GAGE1: variants seen among roughly 807,000 people sequenced by gnomAD.
GAGE1 encodes the protein G antigen 4.
In GAGE1, 5 loss-of-function variants were observed where a neutral mutation model predicts 5.0. The observed-to-expected ratio is 1.00, with a 90% CI of 0.52 to 2.11. The LOEUF (loss-of-function observed/expected upper bound fraction) is 2.11, where lower values mean the gene tolerates loss of function less well. Among genes scored for constraint, GAGE1 ranks in the 30% most tolerant of loss-of-function variants. The pLI is 0.01. For synonymous variants in GAGE1, 6 were observed against 14.8 expected (o/e 0.40, Z 1.37); for missense variants, 9 against 38.9 (o/e 0.23, Z 2.04).
intron 4 of GAGE1, among the ~76,000 whole-genome samples, chrX:49,605,561 C>G (rs1213078341): frequency 8.9e-6 from 1 of 111,840 alleles, no homozygotes; most frequent in Non-Finnish European, 1.9e-5. Context: ...TGTTTTTAGT[C>G]CATTTAATAA....
intron 4 of GAGE1, chrX:49,605,070 C>T: frequency 2.0e-6 from 2 of 1,022,209 alleles, no homozygotes; most frequent in Non-Finnish European, 2.6e-6. Context: ...TTAAATCTTT[C>T]CCCACGGAAA....
chrX:49,604,709 A>T (rs2066641601), intron 4 of GAGE1, among the ~76,000 whole-genome samples: 1 of 112,252 alleles, frequency 8.9e-6, no homozygotes, highest in African/African-American at 3.2e-5. Flanking sequence ...CATTGTTAGT[A>T]AGAAAGTGAG....
intron 4 of GAGE1, among the ~76,000 whole-genome samples, chrX:49,605,418 T>C (rs1370871148): frequency 8.9e-6 from 1 of 112,455 alleles, no homozygotes; most frequent in Non-Finnish European, 1.9e-5. Context: ...TGACTGTTAA[T>C]TGTAATTGCT....
rs2147111114 is a variant in GAGE1 at position 49,608,161 on chromosome X, G to A, written c.*2146G>A. ...CAAAAGGCTTTGTTCTTCCCTTAAAGGAAGCATCTACCAAAATGTGGCACA... is the reference window on the plus strand; with the variant it reads ...CAAAAGGCTTTGTTCTTCCCTTAAAAGAAGCATCTACCAAAATGTGGCACA... On this transcript the variant is annotated 3_prime_UTR_variant, in exon 5 of 5. Coordinates refer to ENST00000381700, the MANE Select transcript of GAGE1 (RefSeq NM_001040663.4). The A allele has an allele frequency of 8.9e-6, 1 of 111,811 alleles. No individual in the cohort carries two copies. Among genetic ancestry groups the A allele is most frequent in the South Asian group, 3.7e-4 (1 of 2,681 alleles). The allele number at this position is 111,811 out of a possible 1,213,427, so 9.2% of individuals were successfully genotyped here.
intron 4 of GAGE1, chrX:49,605,072 C>T (rs782538840): frequency 4.9e-6 from 5 of 1,020,233 alleles, no homozygotes; most frequent in Middle Eastern, 5.8e-4. Flanking sequence ...AAATCTTTCC[C>T]CACGGAAACC....
At chrX:49,605,210 C>G (rs1781855243) in intron 4 of GAGE1, 8 of 778,819 alleles carry the variant, frequency 1.0e-5, no homozygotes, top group African/African-American at 6.0e-5. Flanking sequence ...GCCCCACTGT[C>G]AGTCTTGATG....
Position 49,603,989 on chromosome X carries a change from G to C in GAGE1, c.331+196G>C, listed in dbSNP as rs4824476. Among the ~76,000 whole-genome samples the C allele has an allele frequency of 1.5e-4, 17 of 111,266 alleles. No homozygotes were observed. In the South Asian group the frequency reaches 1.9e-3, roughly 12 times the overall value. ...TGCCTGAGCCTCTGGCGGAGCCGGG[G>C]TTACAGGCGTGCTCCGCCGTGCCCA... On this transcript the variant is annotated intron_variant, in intron 4 of 4. Coordinates refer to ENST00000381700, the MANE Select transcript of GAGE1 (RefSeq NM_001040663.4).
rs1226653688 is a variant in GAGE1 at position 49,607,551 on chromosome X, G to C, written c.*1536G>C. On this transcript the variant is annotated 3_prime_UTR_variant, in exon 5 of 5. Transcript: ENST00000381700. ...TTCTAGAATGCTTCTCTCAGATTTG[G>C]ACCCTACTTAAACAGCAGTGACCAA... 1.8e-5 allele frequency: 2 copies of C among 110,860 alleles called. No homozygotes were observed. The highest frequency in any genetic ancestry group is 6.6e-5 in the African/African-American group (2 of 30,483). 9.1% of individuals were successfully genotyped at this position (110,860 alleles called of 1,213,427 possible).
chrX:49,604,482 A>G lies in GAGE1; in HGVS notation c.331+689A>G, dbSNP rs186956437. 5.3e-5 allele frequency among the ~76,000 whole-genome samples: 6 copies of G among 112,229 alleles called. No individual in the cohort carries two copies. The East Asian group carries it at 1.7e-3, about 31-fold the overall frequency. ...CTCTTACAGCCTTGGTGAGATTCTG[A>G]GTGAGTCCTTTCACTTCTAAACCTA... On this transcript the variant is annotated intron_variant, in intron 4 of 4. Transcript: ENST00000381700.
intron 3 of GAGE1, among the ~76,000 whole-genome samples, chrX:49,602,656 A>G (rs370624275): frequency 1.1e-5 from 1 of 91,751 alleles, no homozygotes; most frequent in Non-Finnish European, 2.4e-5. Context: ...CCTTTACCCT[A>G]TGTACTTGAG....
intron 4 of GAGE1, among the ~76,000 whole-genome samples, chrX:49,605,362 G>C (rs782600696): frequency 3.2e-4 from 36 of 112,372 alleles, no homozygotes; most frequent in African/African-American, 1.2e-3. Context: ...AGTCCTTCCT[G>C]AGTAATCAAC....
chrX:49,604,321 T>G (rs1450039349), intron 4 of GAGE1, among the ~76,000 whole-genome samples: 14 of 112,519 alleles, frequency 1.2e-4, no homozygotes, highest in Admixed American at 9.4e-4. Context: ...GTTTTGAGTA[T>G]AAATCCTCAA....
intron 4 of GAGE1, chrX:49,604,998 A>T (rs1557131874): frequency 1.0e-6 from 1 of 964,078 alleles, no homozygotes; most frequent in East Asian, 6.2e-5. Context: ...ATTTTTGTAG[A>T]GATGAGGTCT....
At position 49,602,341 on chromosome X, in the gene GAGE1, C is replaced by G. The variant is rs782367529; in HGVS notation, c.206-1327C>G. Among the ~76,000 whole-genome samples, 398 of 84,444 alleles carry G rather than the reference C, an allele frequency of 4.7e-3. 11 individuals are homozygous for G. Among genetic ancestry groups the G allele is most frequent in the African/African-American group, 0.013 (379 of 28,903 alleles). The allele number at this position is 84,444 out of a possible 115,157, so 73.3% of individuals were successfully genotyped here. Reference sequence around the variant, plus strand: ...TTTAGGATATCTGTATTTTGTACCACAATTGGAAATTCCTTTCTTCCTAAA... The same window carrying G: ...TTTAGGATATCTGTATTTTGTACCAGAATTGGAAATTCCTTTCTTCCTAAA... On this transcript the variant is annotated intron_variant, in intron 3 of 4. Coordinates refer to ENST00000381700, the MANE Select transcript of GAGE1 (RefSeq NM_001040663.4).
chrX:49,604,288 G>A (rs1425862840), intron 4 of GAGE1, among the ~76,000 whole-genome samples: 8 of 112,748 alleles, frequency 7.1e-5, no homozygotes, highest in Admixed American at 6.6e-4. Context: ...AACAAGCTGA[G>A]TCAAAGGTAT....
rs1266383355 is a variant in GAGE1 at position 49,607,970 on chromosome X, A to T, written c.*1955A>T. 2.7e-5 allele frequency: 3 copies of T among 111,920 alleles called. No individual in the cohort carries two copies. The highest frequency in any genetic ancestry group is 5.6e-5 in the Non-Finnish European group (3 of 53,225). 9.2% of individuals were successfully genotyped at this position (111,920 alleles called of 1,213,427 possible). Reference sequence around the variant, plus strand: ...GAAATTGATGACTGACTCCAGTAAGAAGCAGATTTGGGGGGATTTCAATTT... The same window carrying T: ...GAAATTGATGACTGACTCCAGTAAGTAGCAGATTTGGGGGGATTTCAATTT... On this transcript the variant is annotated 3_prime_UTR_variant, in exon 5 of 5. Coordinates refer to ENST00000381700, the MANE Select transcript of GAGE1 (RefSeq NM_001040663.4).
In GAGE1 at chrX:49,605,157, C is replaced by T. The variant is rs113271193; in HGVS notation, c.332-836C>T. On this transcript the variant is annotated intron_variant, in intron 4 of 4. Coordinates refer to ENST00000381700, the MANE Select transcript of GAGE1 (RefSeq NM_001040663.4). ...CTGTGGCATGTAAGTCAGTGATGCT[C>T]AGCATGGGTGTGAGTAAGATGCCTG... 1.9e-4 allele frequency: 189 copies of T among 994,788 alleles called. 2 individuals are homozygous for T. The African/African-American group carries it at 2.7e-3, about 14-fold the overall frequency. 82.0% of individuals were successfully genotyped at this position (994,788 alleles called of 1,213,427 possible).
intron 4 of GAGE1, chrX:49,605,126 T>A: frequency 2.0e-6 from 2 of 1,008,440 alleles, no homozygotes; most frequent in Non-Finnish European, 2.6e-6. Flanking sequence ...GTTTAGTTCC[T>A]ATCATCTGTG....
In GAGE1 at chrX:49,606,622, A is replaced by C. The variant is rs782652609; in HGVS notation, c.*607A>C. 8.9e-6 allele frequency: 1 copy of C among 112,557 alleles called. No individual in the cohort carries two copies. The highest frequency in any genetic ancestry group is 9.4e-5 in the Admixed American group (1 of 10,585). 9.3% of individuals were successfully genotyped at this position (112,557 alleles called of 1,213,427 possible). A position where few individuals can be genotyped will look rare whatever the true frequency, so the allele number is the denominator to read the frequency against. On this transcript the variant is annotated 3_prime_UTR_variant, in exon 5 of 5. Coordinates refer to ENST00000381700, the MANE Select transcript of GAGE1 (RefSeq NM_001040663.4). The stretch of plus-strand genomic sequence containing the variant: ...GTTATTCCTGATGAGAAATGGAAAA[A>C]TTTCAACATTTCACGACAATATTTA...
Sources: gnomAD v4.1 joint callset for allele counts (sites outside exome capture counted in the v4.1 genomes callset) on GRCh38, gnomAD v4.1.1 for gene constraint, MANE v1.5 for transcripts, NCBI Gene and HGNC (gene_info 2026-07-23, HGNC 2026-07-21) for gene names.